The following SMOX variants were observed in gnomAD, a reference collection of about 807,000 sequenced individuals.
The protein encoded by SMOX is flavin containing amine oxidase.
Under a neutral mutation model 51.0 loss-of-function variants are expected in SMOX, and 22 were observed. That is an observed-to-expected ratio of 0.43 (90% confidence interval 0.31 to 0.62). The LOEUF (loss-of-function observed/expected upper bound fraction) is 0.62. Ranked by LOEUF, SMOX falls within the 20% of genes least tolerant of loss-of-function variation. The pLI is 0.10. For missense variants in SMOX, 566 were observed against 777.7 expected, an observed-to-expected ratio of 0.73 and a Z score of 3.24; for synonymous variants, 282 against 307.8, an observed-to-expected ratio of 0.92 and a Z score of 0.88.
rs116618582 is a variant in SMOX at position 4,178,278 on chromosome 20, C to T, written c.435+701C>T. On this transcript the variant is annotated intron_variant, in intron 3 of 6. Coordinates refer to ENST00000305958, the MANE Select transcript of SMOX (RefSeq NM_175839.3). ...GGTCTCGAACTCCTGACTTCATGAT[C>T]GGCCTACCTTGGCCTCCCAAAGTGC... is the stretch of plus-strand genomic sequence containing the variant. Among the ~76,000 whole-genome samples, 557 of 152,314 alleles carry T rather than the reference C, an allele frequency of 3.7e-3. 4 individuals are homozygous for T. Among genetic ancestry groups the T allele is most frequent in the African/African-American group, 0.013 (530 of 41,576 alleles).
intron 1 of SMOX, among the ~76,000 whole-genome samples, chr20:4,151,116 A>G (rs1985731141): frequency 2.0e-5 from 3 of 152,016 alleles, no homozygotes; most frequent in South Asian, 2.1e-4. Context: ...ACAGGCGTGA[A>G]CCACTGCGCC....
intron 1 of SMOX, among the ~76,000 whole-genome samples, chr20:4,155,425 C>T (rs1036250566): frequency 2.6e-5 from 4 of 152,006 alleles, no homozygotes; most frequent in Admixed American, 6.5e-5. Flanking sequence ...TGGGGGGGGC[C>T]TGGATGCTTC....
intron 1 of SMOX, among the ~76,000 whole-genome samples, chr20:4,158,300 G>A (rs930977995): frequency 3.9e-5 from 6 of 152,120 alleles, no homozygotes; most frequent in African/African-American, 1.4e-4. Context: ...ATGCTCAGTG[G>A]ATTTTCCTAC....
chr20:4,154,377 T>C (rs1985903151), intron 1 of SMOX, among the ~76,000 whole-genome samples: 1 of 136,750 alleles, frequency 7.3e-6, no homozygotes, highest in African/African-American at 3.2e-5. Flanking sequence ...TTTCTTTCTT[T>C]CTTTCTTTCT....
Position 4,182,359 on chromosome 20 carries a change from G to T in SMOX, c.880G>T (p.Gly294Cys). 6.3e-7 allele frequency: 1 copy of T among 1,593,930 alleles called. No individual in the cohort carries two copies. The highest frequency in any genetic ancestry group is 8.6e-7 in the Non-Finnish European group (1 of 1,167,836). The part of the protein sequence containing the change: ...GDHNHDTGEG[G>C]QGGEEPRGGR... The stretch of plus-strand genomic sequence containing the variant: ...CCACAATCACGACACTGGGGAGGGT[G>T]GCCAGGGTGGAGAGGAGCCCCGGGG... Residue 294 changes from glycine to cysteine, a missense_variant, in exon 5 of 7, where the codon GGC becomes TGC. Around this residue, in one of 3 missense-constraint regions of SMOX, gnomAD observed 347 missense variants for 481.8 expected, o/e 0.72. Transcript: ENST00000305958. This position sits in a 1 kb window ranked among gnomAD's most constrained non-coding sequence, Gnocchi z 8.4.
At chr20:4,151,582 C>T (rs1341808696) in intron 1 of SMOX, among the ~76,000 whole-genome samples, 2 of 152,084 alleles carry the variant, frequency 1.3e-5, no homozygotes, top group Non-Finnish European at 2.9e-5. Context: ...TCCTGCCCCA[C>T]GGCCTTTGCT....
chr20:4,164,958 G>T (rs1986491887), intron 1 of SMOX, among the ~76,000 whole-genome samples: 1 of 151,516 alleles, frequency 6.6e-6, no homozygotes, highest in South Asian at 2.1e-4. Flanking sequence ...GCTCATTGCA[G>T]CCTTACACAC....
At chr20:4,178,635 A>G in intron 3 of SMOX, among the ~76,000 whole-genome samples, 1 of 151,816 alleles carries the variant, frequency 6.6e-6, no homozygotes. Flanking sequence ...CCAGGTCAGT[A>G]ATTTGGCCAG....
intron 1 of SMOX, among the ~76,000 whole-genome samples, chr20:4,154,149 A>T (rs1427265902): frequency 6.6e-6 from 1 of 151,982 alleles, no homozygotes; most frequent in South Asian, 2.1e-4. Flanking sequence ...AGGTTGGGAA[A>T]GGCCTTGGCT....
In SMOX at chr20:4,175,047, G is replaced by C. The variant is rs772397031; in HGVS notation, c.-9G>C. ...CCCTGCAGGTTCCTAGAAGGTGAGC[G>C]CGGACGGTATGCAAAGTTGTGAATC... On this transcript the variant is annotated 5_prime_UTR_variant, in exon 2 of 7. Transcript: ENST00000305958. 6.2e-7 allele frequency: 1 copy of C among 1,613,982 alleles called. No individual in the cohort carries two copies. The highest frequency in any genetic ancestry group is 8.5e-7 in the Non-Finnish European group (1 of 1,180,014).
chr20:4,170,507 C>T lies in SMOX; in HGVS notation c.-26-4523C>T, dbSNP rs932316086. On this transcript the variant is annotated intron_variant, in intron 1 of 6. Coordinates refer to ENST00000305958, the MANE Select transcript of SMOX (RefSeq NM_175839.3). The surrounding 1 kb of genome is among the most constrained non-coding windows in gnomAD (Gnocchi z 4.6). ...TCTGAGACAGGGTCTCACTCTGTTG[C>T]CCAGGCTGGAGCACCATGGTGCCAT... 6.6e-6 allele frequency among the ~76,000 whole-genome samples: 1 copy of T among 152,034 alleles called. No homozygotes were observed. The highest frequency in any genetic ancestry group is 6.6e-5 in the Admixed American group (1 of 15,262).
Position 4,187,201 on chromosome 20 carries a change from A to G in SMOX, c.1531-69A>G. The G allele has an allele frequency of 6.6e-7, 1 of 1,520,322 alleles. No homozygotes were observed. The highest frequency in any genetic ancestry group is 1.3e-5 in the South Asian group (1 of 79,938). 94.2% of individuals were successfully genotyped at this position (1,520,322 alleles called of 1,614,324 possible). On this transcript the variant is annotated intron_variant, in intron 6 of 6. Coordinates refer to ENST00000305958, the MANE Select transcript of SMOX (RefSeq NM_175839.3). This position sits in a 1 kb window ranked among gnomAD's most constrained non-coding sequence, Gnocchi z 4.8. ...ATTGGGATGGGAGGTTCTGGTGGAG[A>G]GGGGTGGCCTTGTGGCCTTCTGGCC...
At chr20:4,154,151 G>T (rs1406128113) in intron 1 of SMOX, among the ~76,000 whole-genome samples, 1 of 152,172 alleles carries the variant, frequency 6.6e-6, no homozygotes, top group Non-Finnish European at 1.5e-5. Flanking sequence ...GTTGGGAAAG[G>T]CCTTGGCTGC....
rs1160020821 is a variant in SMOX, at chr20:4,148,962, G to A, written c.-42G>A. 6.6e-6 allele frequency: 1 copy of A among 151,868 alleles called. No homozygotes were observed. 9.4% of individuals were successfully genotyped at this position (151,868 alleles called of 1,614,324 possible). A position where few individuals can be genotyped will look rare whatever the true frequency, so the allele number is the denominator to read the frequency against. ...CCGCTCGCCGCAGACTTACTTCCCC[G>A]GCTCAGCAGGGAAAGGTACGGTGCG... is the stretch of plus-strand genomic sequence containing the variant. On this transcript the variant is annotated 5_prime_UTR_variant, in exon 1 of 7. Transcript: ENST00000305958.
At position 4,182,466 on chromosome 20, in the gene SMOX, T is replaced by C. The variant is rs771326512; in HGVS notation, c.987T>C (p.Ile329=). 3 of 1,599,232 alleles carry C rather than the reference T, an allele frequency of 1.9e-6. No individual in the cohort carries two copies. The highest frequency in any genetic ancestry group is 1.7e-6 in the Non-Finnish European group (2 of 1,171,692). ...DCELIPADHV[I]VTVSLGVLKR... ...AGCTGATCCCGGCGGACCATGTGAT[T>C]GTGACCGTGTCGCTAGGTGTGCTAA... The change falls in exon 5 of 7, where the codon ATT becomes ATC. Residue 329 remains isoleucine (I), a synonymous_variant. Transcript: ENST00000305958. The surrounding 1 kb of genome is among the most constrained non-coding windows in gnomAD (Gnocchi z 8.4).
intron 1 of SMOX, among the ~76,000 whole-genome samples, chr20:4,152,597 T>C (rs1020444166): frequency 6.6e-6 from 1 of 151,992 alleles, no homozygotes; most frequent in African/African-American, 2.4e-5. Flanking sequence ...GGGGCTGGCA[T>C]GCCTAGGAAA....
At position 4,183,620 on chromosome 20, in the gene SMOX, A is replaced by G. The variant is rs749842121; in HGVS notation, c.1496A>G (p.Lys499Arg). 6.2e-7 allele frequency: 1 copy of G among 1,601,042 alleles called. No individual in the cohort carries two copies. The highest frequency in any genetic ancestry group is 2.2e-5 in the East Asian group (1 of 44,858). Residue 499 changes from lysine (K) to arginine (R), a missense_variant, in exon 6 of 7, where the codon AAG becomes AGG. Transcript: ENST00000305958. This position sits in a 1 kb window ranked among gnomAD's most constrained non-coding sequence, Gnocchi z 4.3. ...GGGGCGGATGTGGAGAAGCTGGCCA[A>G]GCCCCTGCCGTACACAGAGAGCTCA... ...SSGADVEKLA[K>R]PLPYTESSKT...
chr20:4,187,279 G>C lies in SMOX; in HGVS notation c.1540G>C (p.Val514Leu), dbSNP rs1021263162. ...TESSKTAPMQVLFSGEATHRK... is the reference protein window; with the variant it reads ...TESSKTAPMQLLFSGEATHRK... The stretch of plus-strand genomic sequence containing the variant: ...CATCCCCGCCCCGCAGCCCATGCAG[G>C]TGCTGTTTTCCGGTGAGGCCACCCA... Residue 514 changes from valine (V) to leucine (L), a missense_variant, in exon 7 of 7, where the codon GTG (valine) becomes CTG (leucine). Val to Leu is a conservative substitution (Grantham distance 32). Transcript: ENST00000305958. The surrounding 1 kb of genome is among the most constrained non-coding windows in gnomAD (Gnocchi z 4.8). 1 of 1,613,808 alleles carries C rather than the reference G, an allele frequency of 6.2e-7. No individual in the cohort carries two copies. Among genetic ancestry groups the C allele is most frequent in the Non-Finnish European group, 8.5e-7 (1 of 1,179,906 alleles).
chr20:4,173,378 T>C (rs1978572767), intron 1 of SMOX, among the ~76,000 whole-genome samples: 1 of 152,184 alleles, frequency 6.6e-6, no homozygotes, highest in African/African-American at 2.4e-5. Context: ...TGCATCTGTG[T>C]GGTTGGGAGT....
Sources: allele counts gnomAD v4.1 joint callset (sites outside exome capture counted in the v4.1 genomes callset), GRCh38; gene constraint gnomAD v4.1.1; regional missense constraint gnomAD v4.1.1; non-coding constraint Gnocchi (gnomAD v3.1); transcripts MANE v1.5; gene names NCBI Gene and HGNC (gene_info 2026-07-23, HGNC 2026-07-21).